The following SPIRE1 variants were observed in gnomAD, a reference collection of about 807,000 sequenced individuals.
SPIRE1 encodes spire type actin nucleation factor 1, also known as protein spire homolog 1.
SPIRE1 carries 40 observed loss-of-function variants against 94.1 expected under a neutral mutation model. The observed-to-expected ratio is 0.43, with a 90% confidence interval of 0.33 to 0.55. SPIRE1 has a LOEUF of 0.55. Among genes scored for constraint, SPIRE1 ranks in the 20% least tolerant of loss-of-function variants. SPIRE1 has a pLI of 0.06. For missense variants in SPIRE1, 838 were observed against 975.2 expected (o/e 0.86, Z 1.87); for synonymous variants, 376 against 371.7 (o/e 1.01, Z -0.13).
intron 2 of SPIRE1, among the ~76,000 whole-genome samples, chr18:12,609,717 C>T (rs1486829587): frequency 6.6e-6 from 1 of 152,154 alleles, no homozygotes; most frequent in African/African-American, 2.4e-5. Context: ...GGGCTAACAT[C>T]ATTTTATCTT....
intron 2 of SPIRE1, among the ~76,000 whole-genome samples, chr18:12,588,681 T>C (rs186302699): frequency 6.7e-6 from 1 of 148,886 alleles, no homozygotes; most frequent in African/African-American, 2.4e-5. Context: ...CTACTCCCTT[T>C]CTTACATTGC....
At chr18:12,600,334 G>GCTTCTAA (rs1299115458) in intron 2 of SPIRE1, among the ~76,000 whole-genome samples, 14 of 152,140 alleles carry the variant, frequency 9.2e-5, no homozygotes, top group Admixed American at 9.2e-4. Context: ...GCTGTTTTAA[G>GCTTCTAA]CTTCTAAACG....
intron 1 of SPIRE1, among the ~76,000 whole-genome samples, chr18:12,654,266 G>A (rs1309623808): frequency 2.0e-5 from 3 of 150,698 alleles, no homozygotes; most frequent in Non-Finnish European, 4.4e-5. Context: ...GAACCCTGGA[G>A]GCGGAGGTTG....
chr18:12,460,224 A>G (rs2031724646), intron 12 of SPIRE1, among the ~76,000 whole-genome samples: 1 of 152,210 alleles, frequency 6.6e-6, no homozygotes. Flanking sequence ...GATGAAGGAT[A>G]GAGGCAACTC....
At position 12,617,714 on chromosome 18, in the gene SPIRE1, G is replaced by A. The variant is rs377707228; in HGVS notation, c.372+17348C>T. Among the ~76,000 whole-genome samples, 8 of 151,436 alleles carry A rather than the reference G, an allele frequency of 5.3e-5. No individual in the cohort carries two copies. In the South Asian group the frequency reaches 8.4e-4, roughly 16 times the overall value. On this transcript the variant is annotated intron_variant, in intron 2 of 16. Transcript: ENST00000409402. ...CGTGAGCCACCATACCCGGCCTCCC[G>A]GCTAATTTATTTTATACTTTTAGTA...
chr18:12,649,930 T>C (rs780965891), intron 1 of SPIRE1, among the ~76,000 whole-genome samples: 1 of 152,134 alleles, frequency 6.6e-6, no homozygotes, highest in Non-Finnish European at 1.5e-5. Context: ...ATATATTGCA[T>C]GGTAAATTGG....
intron 7 of SPIRE1, among the ~76,000 whole-genome samples, chr18:12,494,625 C>G (rs1200159168): frequency 6.6e-6 from 1 of 150,906 alleles, no homozygotes; most frequent in Non-Finnish European, 1.5e-5. Context: ...GTCAGGAAAT[C>G]AAGATCATCC....
chr18:12,529,616 A>G (rs2034628770), intron 4 of SPIRE1, among the ~76,000 whole-genome samples: 1 of 152,232 alleles, frequency 6.6e-6, no homozygotes, highest in African/African-American at 2.4e-5. Context: ...CCACACCTGT[A>G]GAGCCTACTG....
chr18:12,615,345 A>AAAAAAAAAAAATATATATATATAT, intron 2 of SPIRE1, among the ~76,000 whole-genome samples: 1 of 17,234 alleles, frequency 5.8e-5, no homozygotes, highest in Non-Finnish European at 1.9e-4. Context: ...AAAAAAAAAA[A>AAAAAAAAAAAATATATATATATAT]ATATATATAT....
At position 12,578,547 on chromosome 18, in the gene SPIRE1, C is replaced by G. The variant is rs1005512067; in HGVS notation, c.373-31643G>C. 3.9e-5 allele frequency among the ~76,000 whole-genome samples: 6 copies of G among 152,344 alleles called. No homozygotes were observed. In the East Asian group the frequency reaches 7.7e-4, roughly 20 times the overall value. On this transcript the variant is annotated intron_variant, in intron 2 of 16. Coordinates refer to ENST00000409402, the MANE Select transcript of SPIRE1 (RefSeq NM_001128626.2). Reference sequence around the variant, plus strand: ...GATGAAATGATTGGAGCAGTGATTACACACTCATCAAACTGTACATTTAAA... The same window carrying G: ...GATGAAATGATTGGAGCAGTGATTAGACACTCATCAAACTGTACATTTAAA...
rs866192030 is a variant in SPIRE1, at chr18:12,622,421, C to A, written c.372+12641G>T. Among the ~76,000 whole-genome samples the A allele has an allele frequency of 7.0e-5, 8 of 114,856 alleles. 1 individual carries two copies. The South Asian group carries it at 1.7e-3, about 24-fold the overall frequency. 75.3% of individuals were successfully genotyped at this position (114,856 alleles called of 152,430 possible). On this transcript the variant is annotated intron_variant, in intron 2 of 16. Transcript: ENST00000409402. ...AAGGGAAAACGGAGCTATGTCCAGT[C>A]TTTTTTTTTTTTTTTTTTTGAGACA...
chr18:12,605,688 AAC>A (rs1486900586), intron 2 of SPIRE1, among the ~76,000 whole-genome samples: 1 of 152,228 alleles, frequency 6.6e-6, no homozygotes, highest in African/African-American at 2.4e-5. Flanking sequence ...TGTATTTAAT[AAC>A]ACAGTCATAT....
At position 12,547,554 on chromosome 18, in the gene SPIRE1, CA is replaced by C. The variant is rs576652639; in HGVS notation, c.373-651del. On this transcript the variant is annotated intron_variant, in intron 2 of 16. Coordinates refer to ENST00000409402, the MANE Select transcript of SPIRE1 (RefSeq NM_001128626.2). ...ATACAGGAAATCCCACTTTATTTCT[CA>C]ATAGTGCCTTTCTGCTATATATTTA... 5.4e-4 allele frequency among the ~76,000 whole-genome samples: 82 copies of C among 152,290 alleles called. 1 individual carries two copies. The highest frequency in any genetic ancestry group is 3.4e-3 in the Middle Eastern group (1 of 294).
chr18:12,451,376 A>G (rs2031229328), intron 16 of SPIRE1, among the ~76,000 whole-genome samples: 1 of 152,234 alleles, frequency 6.6e-6, no homozygotes, highest in Non-Finnish European at 1.5e-5. Flanking sequence ...ATCATAGTAA[A>G]TATTTCCAGG....
At chr18:12,646,517 G>A (rs969892163) in intron 1 of SPIRE1, among the ~76,000 whole-genome samples, 1 of 152,070 alleles carries the variant, frequency 6.6e-6, no homozygotes, top group Non-Finnish European at 1.5e-5. Flanking sequence ...CGCTAACATG[G>A]TATTTTCACT....
intron 8 of SPIRE1, 147 bp from the exon 9 acceptor site, chr18:12,486,147 T>C (rs1302118463): frequency 1.6e-6 from 1 of 618,614 alleles, no homozygotes; most frequent in Non-Finnish European, 2.8e-6. Flanking sequence ...AATGAAAATC[T>C]GAAATACATT....
upstream of SPIRE1, chr18:12,658,480 A>G (rs1393005907): frequency 1.3e-5 from 6 of 447,908 alleles, no homozygotes; most frequent in Non-Finnish European, 2.8e-5. Flanking sequence ...TTTATCAGGG[A>G]AGTCCCCGGC....
At chr18:12,578,968 G>C (rs1273912570) in intron 2 of SPIRE1, among the ~76,000 whole-genome samples, 1 of 151,606 alleles carries the variant, frequency 6.6e-6, no homozygotes, top group Non-Finnish European at 1.5e-5. Flanking sequence ...CAGCTACCTT[G>C]GAAAAACCTC....
intron 9 of SPIRE1, among the ~76,000 whole-genome samples, 180 bp from the exon 10 acceptor site, chr18:12,480,051 C>T (rs1221399895): frequency 1.3e-5 from 2 of 152,120 alleles, no homozygotes; most frequent in African/African-American, 2.4e-5. Context: ...TTAAAGGAAA[C>T]TTTAAAATGA....
Sources: allele counts gnomAD v4.1 joint callset (sites outside exome capture counted in the v4.1 genomes callset), GRCh38; gene constraint gnomAD v4.1.1; transcripts MANE v1.5; gene names NCBI Gene and HGNC (gene_info 2026-07-23, HGNC 2026-07-21).